The following RNGTT variants were observed in gnomAD, a reference collection of about 807,000 sequenced individuals.
RNGTT encodes the protein mRNA-capping enzyme.
In RNGTT, 33 loss-of-function variants were observed where a neutral mutation model predicts 79.3. The ratio of observed to expected loss-of-function variants is 0.42; its 90% CI spans 0.32 to 0.56. The LOEUF is 0.56. RNGTT is among the 20% of genes least tolerant of loss of function. The pLI is 0.17. For synonymous variants in RNGTT, 222 were observed against 235.9 expected (o/e 0.94, Z 0.54); for missense variants, 497 against 739.1 (o/e 0.67, Z 3.80).
intron 8 of RNGTT, 128 bp from the exon 9 acceptor site, chr6:88,853,892 T>C (rs1421404370): frequency 5.9e-6 from 3 of 505,792 alleles, no homozygotes; most frequent in South Asian, 4.4e-5. Flanking sequence ...AGTCTCTTTA[T>C]CATGTAGATT....
intron 4 of RNGTT, among the ~76,000 whole-genome samples, chr6:88,928,155 T>C (rs1784381000): frequency 6.6e-6 from 1 of 152,158 alleles, no homozygotes; most frequent in Admixed American, 6.5e-5. Flanking sequence ...AAGGCTGCAG[T>C]GAGCCAAGAT....
chr6:88,813,054 A>G (rs989001939), intron 11 of RNGTT, among the ~76,000 whole-genome samples: 6 of 152,224 alleles, frequency 3.9e-5, no homozygotes, highest in Admixed American at 3.9e-4. Context: ...TATGCCCTAA[A>G]GAGTTAAAGA....
intron 11 of RNGTT, among the ~76,000 whole-genome samples, chr6:88,838,538 GAAAT>G (rs1351174301): frequency 3.9e-5 from 6 of 152,038 alleles, no homozygotes; most frequent in Non-Finnish European, 7.4e-5. Context: ...CAAAAAGTAT[GAAAT>G]AAATCTGAAA....
chr6:88,963,422 C>A lies in RNGTT; in HGVS notation c.-13G>T. 1 of 1,576,692 alleles carries A rather than the reference C, an allele frequency of 6.3e-7. No individual in the cohort carries two copies. Among genetic ancestry groups the A allele is most frequent in the Non-Finnish European group, 8.6e-7 (1 of 1,158,602 alleles). ...TGTTGTGAGCCATGTCTTGGGGCTGCGCAGAGCTGCCCTCCCTCACCAACG... is the reference window on the plus strand; with the variant it reads ...TGTTGTGAGCCATGTCTTGGGGCTGAGCAGAGCTGCCCTCCCTCACCAACG... On this transcript the variant is annotated 5_prime_UTR_variant, in exon 1 of 16. Transcript: ENST00000369485.
intron 8 of RNGTT, among the ~76,000 whole-genome samples, chr6:88,867,526 C>G (rs1461497646): frequency 6.6e-6 from 1 of 151,864 alleles, no homozygotes; most frequent in Non-Finnish European, 1.5e-5. Flanking sequence ...GAAAGCCTGA[C>G]AGCAGATGTC....
chr6:88,750,797 C>T (rs1349533184), intron 13 of RNGTT, among the ~76,000 whole-genome samples: 1 of 152,086 alleles, frequency 6.6e-6, no homozygotes, highest in Non-Finnish European at 1.5e-5. Context: ...TCTCTGGAAC[C>T]TTCTTGGTCC....
intron 14 of RNGTT, among the ~76,000 whole-genome samples, chr6:88,621,735 T>C (rs932146734): frequency 6.6e-6 from 1 of 151,708 alleles, no homozygotes; most frequent in Non-Finnish European, 1.5e-5. Flanking sequence ...ACAGACCAGA[T>C]TAAAAACCAA....
chr6:88,654,793 G>A (rs896395155), intron 14 of RNGTT, among the ~76,000 whole-genome samples: 3 of 152,144 alleles, frequency 2.0e-5, no homozygotes, highest in African/African-American at 7.2e-5. Context: ...ACTGTGAGTC[G>A]TGACCCATTT....
intron 8 of RNGTT, among the ~76,000 whole-genome samples, chr6:88,878,388 C>G (rs1003888014): frequency 3.3e-5 from 5 of 152,042 alleles, no homozygotes; most frequent in Non-Finnish European, 7.4e-5. Flanking sequence ...TGAGCCACCA[C>G]GCCCAGCCAA....
intron 10 of RNGTT, 151 bp from the exon 11 acceptor site, chr6:88,844,672 C>T (rs1168161010): frequency 3.3e-6 from 2 of 614,520 alleles, no homozygotes; most frequent in Non-Finnish European, 5.5e-6. Flanking sequence ...TATATACCAA[C>T]CCTAATAATT....
chr6:88,724,776 C>G (rs998793740), intron 13 of RNGTT, among the ~76,000 whole-genome samples: 15 of 152,166 alleles, frequency 9.9e-5, no homozygotes, highest in African/African-American at 3.6e-4. Context: ...GTAAAGCAAC[C>G]TTTTTCGATT....
intron 13 of RNGTT, among the ~76,000 whole-genome samples, chr6:88,718,043 G>A (rs566906059): frequency 6.6e-6 from 1 of 152,270 alleles, no homozygotes; most frequent in African/African-American, 2.4e-5. Flanking sequence ...AGGCAAAGTA[G>A]GGCAAGAATA....
At chr6:88,843,808 G>C (rs1781392772) in intron 11 of RNGTT, among the ~76,000 whole-genome samples, 1 of 150,832 alleles carries the variant, frequency 6.6e-6, no homozygotes, top group East Asian at 1.9e-4. Context: ...TGCCCGCCTT[G>C]GCCTCCCAAA....
At chr6:88,907,890 C>G (rs974505454) in intron 4 of RNGTT, among the ~76,000 whole-genome samples, 72 of 151,932 alleles carry the variant, frequency 4.7e-4, no homozygotes, top group African/African-American at 1.6e-3. Flanking sequence ...GCTCACACCA[C>G]CATCCCCAGC....
At chr6:88,825,573 T>C (rs1780629980) in intron 11 of RNGTT, among the ~76,000 whole-genome samples, 1 of 152,228 alleles carries the variant, frequency 6.6e-6, no homozygotes, top group South Asian at 2.1e-4. Context: ...TCAGTGTGTA[T>C]ATGTTTGACA....
intron 6 of RNGTT, among the ~76,000 whole-genome samples, chr6:88,895,368 T>C (rs1783203598): frequency 6.6e-6 from 1 of 151,958 alleles, no homozygotes; most frequent in Non-Finnish European, 1.5e-5. Context: ...ATCTCAGACA[T>C]CAGTTCAAGG....
intron 6 of RNGTT, among the ~76,000 whole-genome samples, chr6:88,903,338 C>T (rs1485419356): frequency 1.3e-5 from 2 of 152,104 alleles, no homozygotes; most frequent in Admixed American, 1.3e-4. Flanking sequence ...CATAATCATG[C>T]CACCACACTC....
Position 88,614,588 on chromosome 6 carries a change from C to T in RNGTT, c.1507-193G>A, listed in dbSNP as rs184509811. ...TCCCTTGTACACATGCTCACTTATC[C>T]GACATTTTATAAATAATTGTGAAAA... On this transcript the variant is annotated intron_variant, in intron 14 of 15. Coordinates refer to ENST00000369485, the MANE Select transcript of RNGTT (RefSeq NM_003800.5). 3.1e-4 allele frequency among the ~76,000 whole-genome samples: 47 copies of T among 152,176 alleles called. No homozygotes were observed. The South Asian group carries it at 4.2e-3, about 13-fold the overall frequency.
In RNGTT at chr6:88,664,970, C is replaced by T. The variant is rs531631902; in HGVS notation, c.1506+13383G>A. On this transcript the variant is annotated intron_variant, in intron 14 of 15. Transcript: ENST00000369485. ...GACAAAGCAGGCTTTCTGTTTGCCCCGGACCTGCTCGGTGGGGGGACATGA... is the reference window on the plus strand; with the variant it reads ...GACAAAGCAGGCTTTCTGTTTGCCCTGGACCTGCTCGGTGGGGGGACATGA... 4.6e-5 allele frequency among the ~76,000 whole-genome samples: 7 copies of T among 152,300 alleles called. No homozygotes were observed. The East Asian group carries it at 1.2e-3, about 25-fold the overall frequency.
Sources: allele counts gnomAD v4.1 joint callset (sites outside exome capture counted in the v4.1 genomes callset), GRCh38; gene constraint gnomAD v4.1.1; transcripts MANE v1.5; gene names NCBI Gene and HGNC (gene_info 2026-07-23, HGNC 2026-07-21).